PARP8: variants seen among roughly 807,000 people sequenced by gnomAD.
The protein encoded by PARP8 is protein mono-ADP-ribosyltransferase PARP8.
Under a neutral mutation model 124.1 loss-of-function variants are expected in PARP8, and 51 were observed. That is an observed-to-expected ratio of 0.41 (90% CI 0.33 to 0.52). The LOEUF (loss-of-function observed/expected upper bound fraction) is 0.52. PARP8 is among the 20% of genes least tolerant of loss of function. The pLI is 0.21. For synonymous variants in PARP8, 391 were observed against 361.5 expected, an observed-to-expected ratio of 1.08 and a Z score of -0.93; for missense variants, 860 against 1,018.9, an observed-to-expected ratio of 0.84 and a Z score of 2.12.
At chr5:50,808,620 G>A (rs1230161810) in intron 14 of PARP8, among the ~76,000 whole-genome samples, 1 of 151,982 alleles carries the variant, frequency 6.6e-6, no homozygotes, top group Non-Finnish European at 1.5e-5. Flanking sequence ...TGTCTCATGG[G>A]TGAGGCTATG....
At chr5:50,837,867 A>T (rs532850036) in intron 25 of PARP8, among the ~76,000 whole-genome samples, 1 of 152,258 alleles carries the variant, frequency 6.6e-6, no homozygotes, top group Middle Eastern at 3.4e-3. Flanking sequence ...AAACTTAATT[A>T]AATATAAGTG....
chr5:50,739,176 A>T (rs1561310062), intron 2 of PARP8: 1 of 647,436 alleles, frequency 1.5e-6, no homozygotes, highest in Non-Finnish European at 2.9e-6. Flanking sequence ...AGGCTAGGTA[A>T]CTCCTTTCCT....
At chr5:50,701,148 G>A (rs1292178685) in intron 2 of PARP8, among the ~76,000 whole-genome samples, 2 of 152,126 alleles carry the variant, frequency 1.3e-5, no homozygotes, top group Non-Finnish European at 2.9e-5. Flanking sequence ...AATGAACACA[G>A]ATTAAAGATT....
At chr5:50,745,045 G>A in intron 2 of PARP8, 2 of 323,756 alleles carry the variant, frequency 6.2e-6, no homozygotes, top group Non-Finnish European at 1.1e-5. Flanking sequence ...AAGTCACAAA[G>A]TGAAACTGAT....
chr5:50,814,066 C>T (rs1390728231), intron 14 of PARP8, among the ~76,000 whole-genome samples: 1 of 152,010 alleles, frequency 6.6e-6, no homozygotes, highest in Admixed American at 6.6e-5. Flanking sequence ...ATTCCCAAGG[C>T]CTTTTATGAT....
chr5:50,780,980 A>G (rs1313522419), intron 9 of PARP8, among the ~76,000 whole-genome samples: 2 of 152,006 alleles, frequency 1.3e-5, no homozygotes, highest in African/African-American at 4.8e-5. Flanking sequence ...TTATTTCTGC[A>G]TGATATACCT....
At chr5:50,809,836 G>C (rs1744241979) in intron 14 of PARP8, among the ~76,000 whole-genome samples, 1 of 150,922 alleles carries the variant, frequency 6.6e-6, no homozygotes, top group Admixed American at 6.6e-5. Context: ...AAAAATATTT[G>C]AAAACCACTC....
chr5:50,775,437 C>T (rs1483060889), intron 7 of PARP8, among the ~76,000 whole-genome samples: 2 of 152,182 alleles, frequency 1.3e-5, no homozygotes, highest in South Asian at 2.1e-4. Context: ...TGCCTGTGAT[C>T]CCAGGCACTC....
Position 50,750,132 on chromosome 5 carries a change from TG to T in PARP8, c.147-18del, listed in dbSNP as rs199970985. The T allele has an allele frequency of 5.8e-3, 8,014 of 1,383,708 alleles. 3 individuals carry two copies. Among genetic ancestry groups the T allele is most frequent in the Middle Eastern group, 0.016 (82 of 5,270 alleles). 85.7% of individuals were successfully genotyped at this position (1,383,708 alleles called of 1,614,324 possible). A position where few individuals can be genotyped will look rare whatever the true frequency, so the allele number is the denominator to read the frequency against. ...CCTTAGCAATAACTTGAGCCTTTTT[TG>T]TTTGTTTGTTTTAACAGTGTATCCT... On this transcript the variant is annotated intron_variant, in intron 2 of 25. Transcript: ENST00000281631.
Position 50,802,982 on chromosome 5 carries a change from C to T in PARP8, c.1575+5749C>T, listed in dbSNP as rs560775921. Among the ~76,000 whole-genome samples, 4 of 152,124 alleles carry T rather than the reference C, an allele frequency of 2.6e-5. No homozygotes were observed. The South Asian group carries it at 8.3e-4, about 32-fold the overall frequency. On this transcript the variant is annotated intron_variant, in intron 14 of 25. Coordinates refer to ENST00000281631, the MANE Select transcript of PARP8 (RefSeq NM_024615.4). ...TCTGAAGAACTCCCTTCATTAATTCCTGTGGGAAATCTCTGCAAATGATGA... is the reference window on the plus strand; with the variant it reads ...TCTGAAGAACTCCCTTCATTAATTCTTGTGGGAAATCTCTGCAAATGATGA...
At chr5:50,833,388 A>C (rs761700221) in intron 23 of PARP8, 32 of 451,968 alleles carry the variant, frequency 7.1e-5, no homozygotes, top group Admixed American at 4.8e-4. Flanking sequence ...GGCAGAGAGT[A>C]GAATGACCAT....
intron 25 of PARP8, among the ~76,000 whole-genome samples, chr5:50,836,334 T>C (rs2149725908): frequency 6.6e-6 from 1 of 152,248 alleles, no homozygotes; most frequent in African/African-American, 2.4e-5. Flanking sequence ...GATAATAATA[T>C]ACCTGTATCA....
chr5:50,684,681 A>G (rs542742062), intron 2 of PARP8, among the ~76,000 whole-genome samples: 2 of 152,306 alleles, frequency 1.3e-5, no homozygotes, highest in African/African-American at 4.8e-5. Context: ...AGTATCTGGA[A>G]TGATTTCTAT....
At chr5:50,829,763 C>T (rs1746741508) in intron 21 of PARP8, 129 bp from the exon 22 acceptor site, 1 of 841,844 alleles carries the variant, frequency 1.2e-6, no homozygotes, top group Non-Finnish European at 1.7e-6. Context: ...TCAAATTAGA[C>T]CTTGGAATAG....
chr5:50,781,374 G>A (rs931866766), intron 9 of PARP8, among the ~76,000 whole-genome samples: 1 of 152,022 alleles, frequency 6.6e-6, no homozygotes, highest in African/African-American at 2.4e-5. Context: ...TATAGATGGA[G>A]TTTTGTTTTC....
At chr5:50,782,633 C>T (rs1296177322) in intron 9 of PARP8, among the ~76,000 whole-genome samples, 1 of 152,108 alleles carries the variant, frequency 6.6e-6, no homozygotes, top group Admixed American at 6.5e-5. Flanking sequence ...TCACAGAATA[C>T]CATTATTTCA....
rs540134896 is a variant in PARP8, at chr5:50,786,717, C to G, written c.671-1806C>G. Among the ~76,000 whole-genome samples the G allele has an allele frequency of 9.2e-5, 14 of 152,172 alleles. No individual in the cohort carries two copies. The East Asian group carries it at 2.5e-3, about 27-fold the overall frequency. On this transcript the variant is annotated intron_variant, in intron 9 of 25. Transcript: ENST00000281631. ...CTAGATAGCAGCACTCTGGAATCTT[C>G]CATCCGCTTGGCCATTCCTCCCCAG...
At chr5:50,826,625 C>A in intron 18 of PARP8, 130 bp from the exon 19 acceptor site, 1 of 1,162,286 alleles carries the variant, frequency 8.6e-7, no homozygotes, top group South Asian at 1.9e-5. Flanking sequence ...AATTATGCGA[C>A]TAAATGAAAT....
intron 25 of PARP8, among the ~76,000 whole-genome samples, chr5:50,836,914 C>G (rs1250314890): frequency 6.6e-6 from 1 of 152,136 alleles, no homozygotes; most frequent in Admixed American, 6.6e-5. Flanking sequence ...GTCATCTAAT[C>G]AGTTCATCTA....
Sources: gnomAD v4.1 joint callset for allele counts (sites outside exome capture counted in the v4.1 genomes callset) on GRCh38, gnomAD v4.1.1 for gene constraint, MANE v1.5 for transcripts, NCBI Gene and HGNC (gene_info 2026-07-23, HGNC 2026-07-21) for gene names.